Variants in CREBBP observed in about 807,000 individuals in gnomAD.
CREBBP encodes CREB binding lysine acetyltransferase.
Under a neutral mutation model 265.0 loss-of-function variants are expected in CREBBP, and 19 were observed. The observed-to-expected ratio is 0.07, with a 90% CI of 0.05 to 0.11. CREBBP has a LOEUF of 0.11. Among genes scored for constraint, CREBBP ranks in the 10% least tolerant of loss-of-function variants. The probability of loss-of-function intolerance (pLI) is 1.00; values close to 1 mark genes in which losing one functional copy is unlikely to be tolerated. For synonymous variants in CREBBP, 1,457 were observed against 1,223.7 expected (o/e 1.19, Z -3.98); for missense variants, 2,525 against 3,219.0 (o/e 0.78, Z 5.22).
At chr16:3,810,987 T>G (rs1567331675) in intron 2 of CREBBP, among the ~76,000 whole-genome samples, 1 of 151,882 alleles carries the variant, frequency 6.6e-6, no homozygotes, top group African/African-American at 2.4e-5. Context: ...ATCCCGCAAG[T>G]AGACGAGCTG....
At chr16:3,842,967 C>CAAAAAAAA (rs59990532) in intron 2 of CREBBP, among the ~76,000 whole-genome samples, 21 of 65,208 alleles carry the variant, frequency 3.2e-4, no homozygotes, top group African/African-American at 1.3e-3. Flanking sequence ...ACTCCCATCT[C>CAAAAAAAA]AAAAAAAAAA....
At chr16:3,841,855 A>G (rs1322137162) in intron 2 of CREBBP, among the ~76,000 whole-genome samples, 3 of 152,158 alleles carry the variant, frequency 2.0e-5, no homozygotes, top group Non-Finnish European at 4.4e-5. Flanking sequence ...TCAGGTCCCA[A>G]CCAAAATCTG....
At chr16:3,825,209 AAG>A (rs775797906) in intron 2 of CREBBP, among the ~76,000 whole-genome samples, 8 of 152,210 alleles carry the variant, frequency 5.3e-5, no homozygotes, top group Non-Finnish European at 7.3e-5. Context: ...TTGTTCTAGG[AAG>A]AGTTTCAGGT....
intron 20 of CREBBP, among the ~76,000 whole-genome samples, chr16:3,751,487 G>A (rs1236168371): frequency 6.6e-6 from 1 of 151,948 alleles, no homozygotes; most frequent in Admixed American, 6.6e-5. Context: ...AGCTACTTGA[G>A]AGGCTGAGAA....
At chr16:3,856,953 T>G (rs1324508843) in intron 1 of CREBBP, among the ~76,000 whole-genome samples, 2 of 152,174 alleles carry the variant, frequency 1.3e-5, no homozygotes, top group East Asian at 1.9e-4. Context: ...CTGGCCTCAG[T>G]GTAGAACAAT....
rs775318956 is a variant in CREBBP, at chr16:3,770,553, G to A, written c.2880+17C>T. On this transcript the variant is annotated intron_variant, in intron 14 of 30. Transcript: ENST00000262367. ...TAAGAGTCTTGGCCCAAAAACAGCAGAGACAGAGAGGCTTACCGGTGTGCC... is the reference window on the plus strand; with the variant it reads ...TAAGAGTCTTGGCCCAAAAACAGCAAAGACAGAGAGGCTTACCGGTGTGCC... 6.2e-7 allele frequency: 1 copy of A among 1,611,482 alleles called. No individual in the cohort carries two copies. The highest frequency in any genetic ancestry group is 8.5e-7 in the Non-Finnish European group (1 of 1,179,722).
chr16:3,733,535 C>T (rs776150121), intron 28 of CREBBP, among the ~76,000 whole-genome samples: 12 of 152,276 alleles, frequency 7.9e-5, no homozygotes, highest in South Asian at 2.1e-4. Context: ...AATGGCTCAC[C>T]GTGGCAGCAA....
intron 13 of CREBBP, among the ~76,000 whole-genome samples, chr16:3,772,915 C>CAAAAA (rs144154476): frequency 1.8e-4 from 16 of 88,836 alleles, no homozygotes; most frequent in Non-Finnish European, 3.0e-4. Context: ...ACTAAAAATA[C>CAAAAA]AAAAAAAAAA....
At chr16:3,766,689 C>T (rs2052861246) in intron 16 of CREBBP, among the ~76,000 whole-genome samples, 1 of 152,070 alleles carries the variant, frequency 6.6e-6, no homozygotes, top group African/African-American at 2.4e-5. Flanking sequence ...CCACACTTAG[C>T]TAGTTTTATT....
Position 3,777,642 on chromosome 16 carries a change from A to T in CREBBP, c.2129T>A (p.Leu710Gln). The change falls in exon 11 of 31, where the codon CTG (leucine) becomes CAG (glutamine). Residue 710 changes from leucine (L) to glutamine (Q), a missense_variant. This residue lies in a region of CREBBP where 548 missense variants were observed against 533.0 expected (regional missense o/e 1.03). Transcript: ENST00000262367. ...AGAAACTTGCATGCGATTCACTGGC[A>T]GGGACAGGGGTCCATCTATGGTGGC... Reference protein sequence around the residue: ...PVRPPNGPLSLPVNRMQVSQG... With the variant: ...PVRPPNGPLSQPVNRMQVSQG... 1 of 1,614,166 alleles carries T rather than the reference A, an allele frequency of 6.2e-7. No individual in the cohort carries two copies. The highest frequency in any genetic ancestry group is 8.5e-7 in the Non-Finnish European group (1 of 1,180,030).
intron 22 of CREBBP, 69 bp downstream of exon 22, chr16:3,745,208 T>C: frequency 3.0e-6 from 4 of 1,342,660 alleles, no homozygotes; most frequent in South Asian, 1.2e-5. Context: ...TGAGATGCAG[T>C]AGCCACTGCA....
At chr16:3,799,795 A>T (rs1161165520) in intron 3 of CREBBP, among the ~76,000 whole-genome samples, 5 of 152,258 alleles carry the variant, frequency 3.3e-5, no homozygotes, top group Non-Finnish European at 7.3e-5. Flanking sequence ...GGGCCAGCCA[A>T]GCCCTGTCTG....
intron 1 of CREBBP, among the ~76,000 whole-genome samples, chr16:3,877,042 A>C (rs773970477): frequency 3.9e-5 from 6 of 152,192 alleles, no homozygotes; most frequent in Non-Finnish European, 8.8e-5. Flanking sequence ...CTCTACAGAC[A>C]TGCACTGCAG....
chr16:3,825,836 G>GA (rs1567342333), intron 2 of CREBBP, among the ~76,000 whole-genome samples: 2 of 152,054 alleles, frequency 1.3e-5, no homozygotes, highest in African/African-American at 4.8e-5. Context: ...AACTGTAACG[G>GA]AAAAAAATAC....
intron 13 of CREBBP, among the ~76,000 whole-genome samples, chr16:3,772,257 C>T (rs2053028987): frequency 1.3e-5 from 2 of 149,848 alleles, no homozygotes; most frequent in Non-Finnish European, 3.0e-5. Flanking sequence ...AAGTTATTGA[C>T]CATAAATATA....
chr16:3,786,591 C>A (rs528850466), intron 5 of CREBBP, among the ~76,000 whole-genome samples: 1 of 152,168 alleles, frequency 6.6e-6, no homozygotes, highest in African/African-American at 2.4e-5. Flanking sequence ...ACAGCTGATG[C>A]TTCACCAGCA....
intron 23 of CREBBP, 22 bp from the exon 24 acceptor site, chr16:3,740,571 G>C (rs780167150): frequency 6.2e-7 from 1 of 1,614,104 alleles, no homozygotes; most frequent in Non-Finnish European, 8.5e-7. Context: ...AGAAGGAGCA[G>C]GTGAGAGGGC....
chr16:3,834,116 G>A (rs1376120505), intron 2 of CREBBP, among the ~76,000 whole-genome samples: 1 of 152,166 alleles, frequency 6.6e-6, no homozygotes, highest in Non-Finnish European at 1.5e-5. Context: ...CTGTCAACAC[G>A]AAATGCTGGC....
At chr16:3,866,464 G>C (rs1255437035) in intron 1 of CREBBP, among the ~76,000 whole-genome samples, 1 of 152,092 alleles carries the variant, frequency 6.6e-6, no homozygotes, top group African/African-American at 2.4e-5. Flanking sequence ...ATTCTCATTA[G>C]AGGTCTAAAG....
Sources: gnomAD v4.1 joint callset for allele counts (sites outside exome capture counted in the v4.1 genomes callset) on GRCh38, gnomAD v4.1.1 for gene constraint, gnomAD v4.1.1 regional missense constraint, MANE v1.5 for transcripts, NCBI Gene and HGNC (gene_info 2026-07-23, HGNC 2026-07-21) for gene names.